Variants in CMIP observed in about 807,000 individuals in gnomAD.
The protein encoded by CMIP is C-Maf-inducing protein.
In CMIP, 13 loss-of-function variants were observed where a neutral mutation model predicts 97.3. The ratio of observed to expected loss-of-function variants is 0.13; its 90% confidence interval spans 0.09 to 0.21. CMIP has a LOEUF of 0.21. CMIP is among the 10% of genes least tolerant of loss of function. The probability of loss-of-function intolerance (pLI) is 1.00; values close to 1 mark genes in which losing one functional copy is unlikely to be tolerated. For synonymous variants in CMIP, 538 were observed against 436.3 expected (o/e 1.23, Z -2.91); for missense variants, 847 against 1,024.9 (o/e 0.83, Z 2.37).
intron 1 of CMIP, among the ~76,000 whole-genome samples, chr16:81,469,547 T>G (rs1002225280): frequency 1.3e-5 from 2 of 152,052 alleles, no homozygotes; most frequent in Non-Finnish European, 2.9e-5. Context: ...TTACCAAGAT[T>G]ACAGAGGAGG....
intron 3 of CMIP, among the ~76,000 whole-genome samples, chr16:81,626,572 C>T (rs1228367742): frequency 8.9e-6 from 1 of 112,016 alleles, no homozygotes; most frequent in Non-Finnish European, 1.8e-5. Context: ...GTGTGGGTGG[C>T]TTATGAGTGT....
chr16:81,616,426 T>C lies in CMIP; in HGVS notation c.427-4450T>C, dbSNP rs866940884. ...CTCCGAGCCTCAGCTTCCTCATCTG[T>C]AAGATGGGTGCGTTGAGGAGGAGAG... On this transcript the variant is annotated intron_variant, in intron 2 of 20. Coordinates refer to ENST00000537098, the MANE Select transcript of CMIP (RefSeq NM_198390.3). The surrounding 1 kb of genome is among the most constrained non-coding windows in gnomAD (Gnocchi z 4.7). Among the ~76,000 whole-genome samples, 8 of 152,242 alleles carry C rather than the reference T, an allele frequency of 5.3e-5. No homozygotes were observed. The highest frequency in any genetic ancestry group is 3.4e-3 in the Middle Eastern group (1 of 294).
At chr16:81,489,205 A>T (rs2089367549) in intron 1 of CMIP, among the ~76,000 whole-genome samples, 1 of 152,194 alleles carries the variant, frequency 6.6e-6, no homozygotes, top group Admixed American at 6.5e-5. Flanking sequence ...CGATGTGCCC[A>T]TACAGATGCT....
At chr16:81,570,506 T>TGGTGGGACCGCTAGTTTTGAAGAAGCCGA (rs1337146544) in intron 1 of CMIP, among the ~76,000 whole-genome samples, 1 of 151,880 alleles carries the variant, frequency 6.6e-6, no homozygotes, top group Non-Finnish European at 1.5e-5. Context: ...TCCTGGCAGG[T>TGGTGGGACCGCTAGTTTTGAAGAAGCCGA]GGTGGGACCG....
intron 1 of CMIP, among the ~76,000 whole-genome samples, chr16:81,529,557 C>CCTGCATAT (rs929957262): frequency 1.3e-5 from 2 of 152,100 alleles, no homozygotes; most frequent in Non-Finnish European, 2.9e-5. Flanking sequence ...GAATATGCTG[C>CCTGCATAT]CTGCAGGATG....
intron 1 of CMIP, among the ~76,000 whole-genome samples, chr16:81,574,178 C>T (rs768429651): frequency 1.4e-4 from 21 of 152,212 alleles, no homozygotes; most frequent in African/African-American, 4.3e-4. Flanking sequence ...TGTTGGGCCG[C>T]GCTAGTCTGG....
At chr16:81,675,370 A>ATTTTTTTTT (rs35314200) in intron 9 of CMIP, among the ~76,000 whole-genome samples, 6 of 123,364 alleles carry the variant, frequency 4.9e-5, no homozygotes, top group African/African-American at 6.0e-5. Context: ...CACCTGGCTA[A>ATTTTTTTTT]TTTTTTTTTT....
chr16:81,587,216 C>T (rs1269214690), intron 1 of CMIP, among the ~76,000 whole-genome samples: 3 of 152,212 alleles, frequency 2.0e-5, no homozygotes, highest in African/African-American at 7.2e-5. Context: ...TAGGGGAGCG[C>T]ACTGGACACT....
At chr16:81,542,321 C>G (rs2090464112) in intron 1 of CMIP, among the ~76,000 whole-genome samples, 1 of 152,280 alleles carries the variant, frequency 6.6e-6, no homozygotes, top group East Asian at 1.9e-4. Flanking sequence ...CTCGGACACC[C>G]CACCAGTGCT....
chr16:81,516,526 C>T (rs2089918019), intron 1 of CMIP, among the ~76,000 whole-genome samples: 1 of 152,210 alleles, frequency 6.6e-6, no homozygotes, highest in African/African-American at 2.4e-5. Flanking sequence ...CATGCTCTTG[C>T]TCTTGGCCAG....
chr16:81,476,449 A>T, intron 1 of CMIP: 1 of 897,844 alleles, frequency 1.1e-6, no homozygotes, highest in Non-Finnish European at 1.8e-6. Context: ...GTTTGCAAAC[A>T]GCTCGAAGGA....
chr16:81,537,546 CAAAAA>C (rs397695977), intron 1 of CMIP, among the ~76,000 whole-genome samples: 7 of 82,072 alleles, frequency 8.5e-5, no homozygotes, highest in African/African-American at 3.1e-4. Context: ...AAAAAAAAGA[CAAAAA>C]AAAAAAAAAA....
intron 1 of CMIP, among the ~76,000 whole-genome samples, chr16:81,506,263 G>A (rs931455463): frequency 5.3e-5 from 8 of 152,170 alleles, no homozygotes; most frequent in East Asian, 1.9e-4. Flanking sequence ...ACTCAGGACC[G>A]TTCTGATCCT....
chr16:81,692,159 C>T (rs1207035450), intron 11 of CMIP, among the ~76,000 whole-genome samples: 1 of 152,224 alleles, frequency 6.6e-6, no homozygotes, highest in Non-Finnish European at 1.5e-5. Flanking sequence ...CAGTTATCGT[C>T]TTTTATTATG....
chr16:81,689,955 A>G (rs1267818696), intron 10 of CMIP, among the ~76,000 whole-genome samples: 1 of 152,202 alleles, frequency 6.6e-6, no homozygotes, highest in Non-Finnish European at 1.5e-5. Context: ...GTCAAAGATC[A>G]GGTGGTTGTA....
At chr16:81,476,098 G>A in intron 1 of CMIP, 1 of 796,736 alleles carries the variant, frequency 1.3e-6, no homozygotes, top group South Asian at 1.3e-5. Flanking sequence ...AGTGCTCCAT[G>A]GCCTCCACAG....
chr16:81,528,160 A>AT (rs1475964801), intron 1 of CMIP, among the ~76,000 whole-genome samples: 3 of 152,182 alleles, frequency 2.0e-5, no homozygotes, highest in Non-Finnish European at 2.9e-5. Context: ...TAAGTCTGAA[A>AT]TTTTTCATAA....
At chr16:81,558,310 C>T (rs147936368) in intron 1 of CMIP, among the ~76,000 whole-genome samples, 96 of 152,248 alleles carry the variant, frequency 6.3e-4, no homozygotes, top group African/African-American at 1.7e-3. Flanking sequence ...GCCTCTCGGC[C>T]GTTACAGATA....
At chr16:81,647,208 G>A (rs1272037648) in intron 3 of CMIP, among the ~76,000 whole-genome samples, 1 of 152,194 alleles carries the variant, frequency 6.6e-6, no homozygotes, top group Non-Finnish European at 1.5e-5. Context: ...GAGGGCTAAT[G>A]ACGTTGAGCA....
Sources: gnomAD v4.1 joint callset for allele counts (sites outside exome capture counted in the v4.1 genomes callset) on GRCh38, gnomAD v4.1.1 for gene constraint, Gnocchi (gnomAD v3.1) non-coding constraint, MANE v1.5 for transcripts, NCBI Gene and HGNC (gene_info 2026-07-23, HGNC 2026-07-21) for gene names.